MYOZ2: variants seen among roughly 807,000 people sequenced by gnomAD.
MYOZ2 encodes myozenin-2.
MYOZ2 carries 19 observed loss-of-function variants against 25.4 expected under a neutral mutation model. The observed-to-expected ratio is 0.75, with a 90% CI of 0.52 to 1.10. MYOZ2 has a LOEUF of 1.10. Ranked by LOEUF, MYOZ2 falls within the 50% of genes least tolerant of loss-of-function variation. The pLI is 0.00. For missense variants in MYOZ2, 270 were observed against 317.9 expected (o/e 0.85, Z 1.15); for synonymous variants, 92 against 106.9 (o/e 0.86, Z 0.86).
intron 2 of MYOZ2, among the ~76,000 whole-genome samples, chr4:119,137,539 CA>C (rs918641941): frequency 6.6e-6 from 1 of 152,046 alleles, no homozygotes; most frequent in Admixed American, 6.6e-5. Context: ...GAGTATTGAG[CA>C]TAATGTTTTC....
At chr4:119,158,301 A>G in intron 4 of MYOZ2, 150 bp downstream of exon 4, 1 of 1,075,088 alleles carries the variant, frequency 9.3e-7, no homozygotes, top group Non-Finnish European at 1.3e-6. Context: ...GTGGCTCCCA[A>G]TCCCAGCACT....
chr4:119,166,346 A>G (rs1280014247), intron 5 of MYOZ2, among the ~76,000 whole-genome samples: 1 of 152,032 alleles, frequency 6.6e-6, no homozygotes, highest in African/African-American at 2.4e-5. Flanking sequence ...TGAGAAGCCA[A>G]GGTGAGCTGA....
chr4:119,180,260 G>A (rs73842585), intron 5 of MYOZ2, among the ~76,000 whole-genome samples: 2,088 of 152,224 alleles, frequency 0.014, 48 homozygotes, highest in African/African-American at 0.047. Context: ...GATCTGGAGG[G>A]AAGAAATCCT....
chr4:119,152,512 G>A (rs932796085), intron 3 of MYOZ2, among the ~76,000 whole-genome samples: 2 of 151,974 alleles, frequency 1.3e-5, no homozygotes, highest in Admixed American at 6.6e-5. Flanking sequence ...TCTGAAGAAA[G>A]GTACAATAAG....
intron 5 of MYOZ2, among the ~76,000 whole-genome samples, chr4:119,176,962 A>C (rs1329706333): frequency 6.6e-6 from 1 of 152,188 alleles, no homozygotes; most frequent in African/African-American, 2.4e-5. Flanking sequence ...CAGTGCTGCT[A>C]TCTGTGACCA....
intron 2 of MYOZ2, among the ~76,000 whole-genome samples, chr4:119,147,338 T>C (rs1490082242): frequency 6.6e-6 from 1 of 152,150 alleles, no homozygotes; most frequent in Non-Finnish European, 1.5e-5. Flanking sequence ...TGTTTTCAAA[T>C]GTATCTGTTC....
chr4:119,144,501 A>T (rs6829757), intron 2 of MYOZ2, among the ~76,000 whole-genome samples: 40,949 of 152,128 alleles, frequency 0.27, 5,641 homozygotes, highest in Middle Eastern at 0.35. Context: ...TTCTGCATTC[A>T]GTTTATAACA....
At chr4:119,176,280 G>A (rs972637070) in intron 5 of MYOZ2, among the ~76,000 whole-genome samples, 1 of 152,090 alleles carries the variant, frequency 6.6e-6, no homozygotes, top group Non-Finnish European at 1.5e-5. Flanking sequence ...GAGTGCAGTG[G>A]TGTGATCTCG....
chr4:119,167,717 A>G (rs1741855354), intron 5 of MYOZ2, among the ~76,000 whole-genome samples: 1 of 152,218 alleles, frequency 6.6e-6, no homozygotes, highest in South Asian at 2.1e-4. Flanking sequence ...GTTGAGTTGA[A>G]GCCAATGCTC....
At chr4:119,166,280 A>G (rs1338345365) in intron 5 of MYOZ2, among the ~76,000 whole-genome samples, 1 of 152,150 alleles carries the variant, frequency 6.6e-6, no homozygotes, top group African/African-American at 2.4e-5. Context: ...CTTGAAGCGT[A>G]TGTAGGCCAG....
In MYOZ2 at chr4:119,182,913, A is replaced by T. The variant is rs184898587; in HGVS notation, c.561-3053A>T. On this transcript the variant is annotated intron_variant, in intron 5 of 5. Transcript: ENST00000307128. ...ACTAAAATCTGTTTGGGGAGGGAAA[A>T]ATTTAATTGAAACGAAAGTAATAGA... Among the ~76,000 whole-genome samples, 22 of 152,314 alleles carry T rather than the reference A, an allele frequency of 1.4e-4. No individual in the cohort carries two copies. The East Asian group carries it at 2.1e-3, about 15-fold the overall frequency.
intron 2 of MYOZ2, among the ~76,000 whole-genome samples, chr4:119,141,719 CT>C (rs200354531): frequency 0.017 from 2,646 of 152,230 alleles, 87 homozygotes; most frequent in African/African-American, 0.06. Flanking sequence ...CAAAGACAAC[CT>C]TCTAAGCCAT....
At chr4:119,169,738 T>C (rs1423125910) in intron 5 of MYOZ2, among the ~76,000 whole-genome samples, 3 of 152,174 alleles carry the variant, frequency 2.0e-5, no homozygotes, top group Non-Finnish European at 4.4e-5. Context: ...GGGGTCTTGG[T>C]AAATATTCCA....
chr4:119,168,683 AAACAACAACAAC>A (rs150292392), intron 5 of MYOZ2, among the ~76,000 whole-genome samples: 4 of 150,938 alleles, frequency 2.7e-5, no homozygotes, highest in South Asian at 2.1e-4. Context: ...AACAACAACA[AAACAACAACAAC>A]AACAACAACA....
intron 5 of MYOZ2, among the ~76,000 whole-genome samples, chr4:119,177,395 A>G (rs948407909): frequency 1.3e-5 from 2 of 152,208 alleles, no homozygotes; most frequent in Non-Finnish European, 2.9e-5. Context: ...GCACTGCCAG[A>G]CAATCCAACA....
chr4:119,160,556 T>A (rs1741684764), intron 4 of MYOZ2, among the ~76,000 whole-genome samples: 1 of 152,174 alleles, frequency 6.6e-6, no homozygotes, highest in African/African-American at 2.4e-5. Flanking sequence ...TAATTCAACA[T>A]CATATGTGCA....
chr4:119,169,356 C>T (rs533250520), intron 5 of MYOZ2, among the ~76,000 whole-genome samples: 1 of 152,246 alleles, frequency 6.6e-6, no homozygotes, highest in Non-Finnish European at 1.5e-5. Flanking sequence ...CTCCAAAGTA[C>T]GCCTGTAATT....
chr4:119,169,598 G>A (rs1741905069), intron 5 of MYOZ2, among the ~76,000 whole-genome samples: 2 of 152,208 alleles, frequency 1.3e-5, no homozygotes, highest in African/African-American at 4.8e-5. Context: ...CCCAACATGT[G>A]GTACCACGTT....
intron 2 of MYOZ2, 58 bp downstream of exon 2, chr4:119,136,659 C>T: frequency 6.6e-7 from 1 of 1,516,644 alleles, no homozygotes; most frequent in Non-Finnish European, 9.1e-7. Flanking sequence ...TGGCTCCATC[C>T]TGACGTTGTT....
Sources: allele counts gnomAD v4.1 joint callset (sites outside exome capture counted in the v4.1 genomes callset), GRCh38; gene constraint gnomAD v4.1.1; transcripts MANE v1.5; gene names NCBI Gene and HGNC (gene_info 2026-07-23, HGNC 2026-07-21).